GPC5: variants seen among roughly 807,000 people sequenced by gnomAD.
GPC5 encodes the protein glypican 5, also known as glypican-5.
A neutral mutation model predicts 53.9 loss-of-function variants in GPC5; 47 were observed. The observed-to-expected ratio is 0.87, with a 90% CI of 0.69 to 1.11. The LOEUF (loss-of-function observed/expected upper bound fraction) is 1.11, where lower values mean the gene tolerates loss of function less well. GPC5 is among the 50% of genes most tolerant of loss of function. GPC5 has a pLI of 0.00. For missense variants in GPC5, 748 were observed against 713.1 expected (o/e 1.05, Z -0.56); for synonymous variants, 286 against 263.3 (o/e 1.09, Z -0.84).
At chr13:92,462,701 TTG>T (rs1399955466) in intron 7 of GPC5, among the ~76,000 whole-genome samples, 4 of 150,602 alleles carry the variant, frequency 2.7e-5, no homozygotes, top group Admixed American at 6.7e-5. Flanking sequence ...CAAACAAATT[TTG>T]TGTTTTGTTC....
intron 7 of GPC5, among the ~76,000 whole-genome samples, chr13:92,789,175 T>G (rs79651017): frequency 6.6e-6 from 1 of 152,172 alleles, no homozygotes; most frequent in Non-Finnish European, 1.5e-5. Flanking sequence ...ACATCAAGAT[T>G]TGGCAGATCT....
At chr13:91,925,505 G>A (rs941001510) in intron 6 of GPC5, among the ~76,000 whole-genome samples, 1 of 152,118 alleles carries the variant, frequency 6.6e-6, no homozygotes, top group Non-Finnish European at 1.5e-5. Flanking sequence ...TAGATTCAGG[G>A]AGTACAAAAA....
chr13:92,333,231 G>T (rs2139237763), intron 7 of GPC5, among the ~76,000 whole-genome samples: 1 of 152,270 alleles, frequency 6.6e-6, no homozygotes, highest in East Asian at 1.9e-4. Flanking sequence ...ACTTCTCTTA[G>T]TAAATATCAG....
chr13:92,386,896 A>G (rs1234177731), intron 7 of GPC5, among the ~76,000 whole-genome samples: 1 of 152,104 alleles, frequency 6.6e-6, no homozygotes, highest in Non-Finnish European at 1.5e-5. Context: ...TAGGCAGTGC[A>G]TTGCTTCCTA....
At chr13:92,382,397 C>T (rs949217603) in intron 7 of GPC5, among the ~76,000 whole-genome samples, 24 of 152,154 alleles carry the variant, frequency 1.6e-4, no homozygotes, top group African/African-American at 5.3e-4. Context: ...AGCCTGGTTT[C>T]GCATCTGTTC....
chr13:92,221,676 T>C (rs2042449675), intron 7 of GPC5, among the ~76,000 whole-genome samples: 1 of 152,116 alleles, frequency 6.6e-6, no homozygotes, highest in African/African-American at 2.4e-5. Context: ...TTTCTGCTTA[T>C]TCTTCTTGCG....
At chr13:92,631,888 C>A (rs777627950) in intron 7 of GPC5, among the ~76,000 whole-genome samples, 8 of 152,122 alleles carry the variant, frequency 5.3e-5, no homozygotes, top group African/African-American at 9.7e-5. Flanking sequence ...ACATGTAAAT[C>A]AATTTTGTTT....
intron 1 of GPC5, among the ~76,000 whole-genome samples, chr13:91,432,102 A>T (rs1183104060): frequency 6.6e-6 from 1 of 151,960 alleles, no homozygotes; most frequent in Non-Finnish European, 1.5e-5. Flanking sequence ...AAAAAAATAT[A>T]ATTTGAGGTC....
chr13:91,758,193 G>A (rs562575743), intron 5 of GPC5, among the ~76,000 whole-genome samples: 2 of 152,078 alleles, frequency 1.3e-5, no homozygotes, highest in South Asian at 4.1e-4. Flanking sequence ...TTTACTGAGA[G>A]AAGTGATAGC....
At chr13:91,598,096 T>C (rs946897414) in intron 2 of GPC5, among the ~76,000 whole-genome samples, 6 of 152,276 alleles carry the variant, frequency 3.9e-5, no homozygotes, top group East Asian at 1.9e-4. Context: ...TTCTGAACTA[T>C]TTTTCTATAG....
chr13:92,361,705 G>C (rs1354209103), intron 7 of GPC5, among the ~76,000 whole-genome samples: 1 of 151,614 alleles, frequency 6.6e-6, no homozygotes, highest in Non-Finnish European at 1.5e-5. Flanking sequence ...GGAGTGGAAA[G>C]ACTGCCTGAG....
At chr13:91,462,838 T>C (rs935567951) in intron 2 of GPC5, among the ~76,000 whole-genome samples, 1 of 152,130 alleles carries the variant, frequency 6.6e-6, no homozygotes, top group Non-Finnish European at 1.5e-5. Flanking sequence ...GGCCAACTGC[T>C]TTATTTTTAT....
At chr13:92,072,079 A>G (rs1336593337) in intron 6 of GPC5, among the ~76,000 whole-genome samples, 1 of 146,272 alleles carries the variant, frequency 6.8e-6, no homozygotes, top group African/African-American at 2.5e-5. Context: ...ATATAAAAAT[A>G]TATAATTATA....
chr13:91,933,371 T>A (rs912051751), intron 6 of GPC5, among the ~76,000 whole-genome samples: 3 of 151,940 alleles, frequency 2.0e-5, no homozygotes, highest in African/African-American at 7.2e-5. Flanking sequence ...GAATACATAT[T>A]TTTTCTCTAC....
chr13:91,538,581 A>AT (rs11374916), intron 2 of GPC5, among the ~76,000 whole-genome samples: 67,133 of 129,212 alleles, frequency 0.52, 20,443 homozygotes, highest in East Asian at 0.68. Flanking sequence ...ATTGCAAATA[A>AT]TTTTTTTTTT....
chr13:91,937,128 T>G (rs2139039720), intron 6 of GPC5, among the ~76,000 whole-genome samples: 1 of 152,144 alleles, frequency 6.6e-6, no homozygotes, highest in South Asian at 2.1e-4. Flanking sequence ...TGACAAATCT[T>G]TGATTTCTCT....
At chr13:91,571,508 T>G (rs9589296) in intron 2 of GPC5, among the ~76,000 whole-genome samples, 71,528 of 151,482 alleles carry the variant, frequency 0.47, 18,749 homozygotes, top group African/African-American at 0.72. Context: ...ATATTGTGAG[T>G]AGGTCAGGAG....
intron 7 of GPC5, among the ~76,000 whole-genome samples, chr13:92,472,070 G>A (rs970433428): frequency 6.6e-6 from 1 of 152,072 alleles, no homozygotes; most frequent in Non-Finnish European, 1.5e-5. Flanking sequence ...GAAGGTACAT[G>A]TATGAATGGA....
intron 7 of GPC5, among the ~76,000 whole-genome samples, chr13:92,670,947 G>T (rs937867843): frequency 1.3e-5 from 2 of 152,076 alleles, no homozygotes; most frequent in Non-Finnish European, 2.9e-5. Flanking sequence ...CAGGGAACTT[G>T]CTTGGCAGCC....
Sources: allele counts gnomAD v4.1 joint callset (sites outside exome capture counted in the v4.1 genomes callset), GRCh38; gene constraint gnomAD v4.1.1; transcripts MANE v1.5; gene names NCBI Gene and HGNC (gene_info 2026-07-23, HGNC 2026-07-21).